The following SDCCAG8 variants were observed in gnomAD, a reference collection of about 807,000 sequenced individuals.
The protein encoded by SDCCAG8 is SHH signaling and ciliogenesis regulator SDCCAG8.
Under a neutral mutation model 101.8 loss-of-function variants are expected in SDCCAG8, and 74 were observed. That is an observed-to-expected ratio of 0.73 (90% CI 0.60 to 0.88). The LOEUF (loss-of-function observed/expected upper bound fraction) is 0.88. SDCCAG8 is among the 40% of genes least tolerant of loss of function. The pLI, the probability that SDCCAG8 is intolerant of heterozygous loss-of-function variation, is 0.00. For synonymous variants in SDCCAG8, 281 were observed against 292.9 expected, an observed-to-expected ratio of 0.96 and a Z score of 0.41; for missense variants, 787 against 822.6, an observed-to-expected ratio of 0.96 and a Z score of 0.53.
Position 243,304,751 on chromosome 1 carries a change from T to G in SDCCAG8, c.714T>G (p.Ile238Met). Residue 238 changes from isoleucine (I) to methionine (M), a missense_variant, in exon 7 of 18, where the codon ATT becomes ATG. Physicochemically the swap from Ile to Met is conservative, Grantham distance 10 (BLOSUM62 1). Coordinates refer to ENST00000366541, the MANE Select transcript of SDCCAG8 (RefSeq NM_006642.5). The stretch of plus-strand genomic sequence containing the variant: ...TTACTTATGAGGAAAAGTGTGAAAT[T>G]GAGGAATCCCAATTGAAGTTTTTGA... The part of the protein sequence containing the change: ...LKLTYEEKCE[I>M]EESQLKFLRN... The G allele has an allele frequency of 1.9e-6, 3 of 1,595,540 alleles. No homozygotes were observed. The highest frequency in any genetic ancestry group is 2.6e-6 in the Non-Finnish European group (3 of 1,163,322).
intron 12 of SDCCAG8, among the ~76,000 whole-genome samples, chr1:243,358,738 TG>T (rs1165173853): frequency 6.6e-6 from 1 of 152,046 alleles, no homozygotes; most frequent in African/African-American, 2.4e-5. Flanking sequence ...AAATAAAATG[TG>T]GGGTGTGTGT....
rs555755981 is a variant in SDCCAG8, at chr1:243,323,921, C to T, written c.1069-6619C>T. Among the ~76,000 whole-genome samples, 3 of 152,298 alleles carry T rather than the reference C, an allele frequency of 2.0e-5. No homozygotes were observed. In the South Asian group the frequency reaches 6.2e-4, roughly 32 times the overall value. ...GTCCACATTGTACCATTCTTGTCTA[C>T]TCTTAAGTCTCTTTTAACTTGTTTC... On this transcript the variant is annotated intron_variant, in intron 9 of 17. Coordinates refer to ENST00000366541, the MANE Select transcript of SDCCAG8 (RefSeq NM_006642.5).
chr1:243,311,590 A>G (rs1010162267), intron 8 of SDCCAG8, among the ~76,000 whole-genome samples: 2 of 152,148 alleles, frequency 1.3e-5, no homozygotes, highest in African/African-American at 4.8e-5. Context: ...TTGCAAATAA[A>G]AAGAGGCAGA....
chr1:243,391,562 C>T (rs527682503), intron 13 of SDCCAG8, among the ~76,000 whole-genome samples: 1 of 152,292 alleles, frequency 6.6e-6, no homozygotes, highest in Admixed American at 6.5e-5. Context: ...CATCTCCTGC[C>T]TTGACCAAGC....
Position 243,474,624 on chromosome 1 carries a change from G to A in SDCCAG8, c.1986-14390G>A, listed in dbSNP as rs552985335. Among the ~76,000 whole-genome samples the A allele has an allele frequency of 6.6e-6, 1 of 152,370 alleles. No individual in the cohort carries two copies. Among genetic ancestry groups the A allele is most frequent in the South Asian group, 2.1e-4 (1 of 4,830 alleles). ...CCTGGAGCGCTCCGCGGTGGCCCGAGAGCAGGTGCTGGCGTGCGGGAGGCG... is the reference window on the plus strand; with the variant it reads ...CCTGGAGCGCTCCGCGGTGGCCCGAAAGCAGGTGCTGGCGTGCGGGAGGCG... On this transcript the variant is annotated intron_variant, in intron 16 of 17. Coordinates refer to ENST00000366541, the MANE Select transcript of SDCCAG8 (RefSeq NM_006642.5). This position sits in a 1 kb window ranked among gnomAD's most constrained non-coding sequence, Gnocchi z 4.7.
intron 13 of SDCCAG8, 73 bp from the exon 14 acceptor site, chr1:243,415,629 G>A: frequency 6.2e-7 from 1 of 1,600,868 alleles, no homozygotes; most frequent in Non-Finnish European, 8.6e-7. Context: ...GCTCTCTCTG[G>A]TCTATAGGGG....
intron 6 of SDCCAG8, among the ~76,000 whole-genome samples, chr1:243,297,252 G>A (rs2071021439): frequency 3.3e-5 from 5 of 152,166 alleles, no homozygotes; most frequent in Admixed American, 3.3e-4. Context: ...ATTCATCCAT[G>A]TTGTTACATT....
In SDCCAG8 at chr1:243,273,686, A is replaced by G. The variant is rs541353653; in HGVS notation, c.307-857A>G. Reference sequence around the variant, plus strand: ...ACTGGCTTGGCATCAAACGCTTCCTAAAGAATCTCTCCTTCACGGAGCTGC... The same window carrying G: ...ACTGGCTTGGCATCAAACGCTTCCTGAAGAATCTCTCCTTCACGGAGCTGC... On this transcript the variant is annotated intron_variant, in intron 3 of 17. Transcript: ENST00000366541. Among the ~76,000 whole-genome samples, 26 of 152,318 alleles carry G rather than the reference A, an allele frequency of 1.7e-4. 1 individual carries two copies. The South Asian group carries it at 4.4e-3, about 26-fold the overall frequency.
intron 16 of SDCCAG8, among the ~76,000 whole-genome samples, chr1:243,480,388 A>G (rs112806707): frequency 1.8e-4 from 4 of 22,326 alleles, no homozygotes; most frequent in Non-Finnish European, 2.3e-4. Flanking sequence ...GGATGGATGG[A>G]TGGATAGGTG....
chr1:243,259,128 T>C (rs769693598), intron 1 of SDCCAG8, among the ~76,000 whole-genome samples: 27 of 151,894 alleles, frequency 1.8e-4, no homozygotes, highest in Non-Finnish European at 2.9e-4. Context: ...GGGCCGGGCG[T>C]GGTGGCTCAC....
intron 1 of SDCCAG8, 145 bp from the exon 2 acceptor site, chr1:243,269,960 C>T (rs2067951212): frequency 5.3e-6 from 6 of 1,128,398 alleles, no homozygotes; most frequent in South Asian, 1.3e-5. Flanking sequence ...GCACATCCCT[C>T]AGCAAGCTAG....
At position 243,259,837 on chromosome 1, in the gene SDCCAG8, A is replaced by AAAAC. The variant is rs375651049; in HGVS notation, c.67+3609_67+3612dup. Among the ~76,000 whole-genome samples, 129 of 152,330 alleles carry AAAAC rather than the reference A, an allele frequency of 8.5e-4. 1 individual carries two copies. Among genetic ancestry groups the AAAAC allele is most frequent in the African/African-American group, 2.9e-3 (120 of 41,578 alleles). On this transcript the variant is annotated intron_variant, in intron 1 of 17. Coordinates refer to ENST00000366541, the MANE Select transcript of SDCCAG8 (RefSeq NM_006642.5). Reference sequence around the variant, plus strand: ...GTAACAAGAGTGAAATCCTATCTCCAAAACAAACAAACAAAAAAAGATATT... The same window carrying AAAAC: ...GTAACAAGAGTGAAATCCTATCTCCAAAACAAACAAACAAACAAAAAAAGATATT...
Position 243,286,340 on chromosome 1 carries a change from G to A in SDCCAG8, c.489G>A (p.Gln163=), listed in dbSNP as rs1447062738. 1 of 1,613,918 alleles carries A rather than the reference G, an allele frequency of 6.2e-7. No individual in the cohort carries two copies. The highest frequency in any genetic ancestry group is 1.1e-5 in the South Asian group (1 of 91,082). The change falls in exon 5 of 18, where the codon CAG becomes CAA. Residue 163 remains glutamine, a synonymous_variant. Coordinates refer to ENST00000366541, the MANE Select transcript of SDCCAG8 (RefSeq NM_006642.5). ...TTGAAAACGAAGGGCTCCAGCAACA[G>A]CTAAAATCTCAAAGACAAGAGGAGA... The part of the protein sequence containing the change: ...VVLENEGLQQ[Q]LKSQRQEETL...
chr1:243,348,037 CTTTTTTTTTT>C (rs1181379015), intron 12 of SDCCAG8, among the ~76,000 whole-genome samples: 2 of 103,382 alleles, frequency 1.9e-5, no homozygotes, highest in African/African-American at 3.8e-5. Context: ...TTTTTTTTTT[CTTTTTTTTTT>C]TTTTTTAGGA....
chr1:243,464,143 T>A (rs1342435697), intron 16 of SDCCAG8, among the ~76,000 whole-genome samples: 1 of 152,154 alleles, frequency 6.6e-6, no homozygotes, highest in African/African-American at 2.4e-5. Context: ...CTAAAAGTGA[T>A]TTTTGTAAAT....
chr1:243,287,376 A>G (rs901459658), intron 5 of SDCCAG8, among the ~76,000 whole-genome samples: 2 of 149,188 alleles, frequency 1.3e-5, no homozygotes, highest in African/African-American at 4.9e-5. Context: ...GAAAGTCTTG[A>G]TGTTTCATTG....
intron 16 of SDCCAG8, among the ~76,000 whole-genome samples, chr1:243,486,176 G>A (rs1664763360): frequency 7.6e-6 from 1 of 131,880 alleles, no homozygotes; most frequent in South Asian, 2.4e-4. Context: ...ACTCCAGCCT[G>A]GGCAACAAGA....
Position 243,270,967 on chromosome 1 carries a change from T to G in SDCCAG8, c.221-11T>G, listed in dbSNP as rs1219303165. 1 of 1,601,518 alleles carries G rather than the reference T, an allele frequency of 6.2e-7. No homozygotes were observed. The highest frequency in any genetic ancestry group is 2.2e-5 in the East Asian group (1 of 44,752). ...AATAAGGTTAATAAACCCTCTGCTT[T>G]TGCTCTATAGTTAATCAGCTCAAAG... On this transcript the variant is annotated splice_polypyrimidine_tract_variant and intron_variant, in intron 2 of 17. Transcript: ENST00000366541.
At chr1:243,369,525 A>G (rs1430864035) in intron 12 of SDCCAG8, among the ~76,000 whole-genome samples, 1 of 152,140 alleles carries the variant, frequency 6.6e-6, no homozygotes, top group Admixed American at 6.6e-5. Flanking sequence ...GTAACTATGA[A>G]CCATCTGATT....
Sources: gnomAD v4.1 joint callset for allele counts (sites outside exome capture counted in the v4.1 genomes callset) on GRCh38, gnomAD v4.1.1 for gene constraint, Gnocchi (gnomAD v3.1) non-coding constraint, MANE v1.5 for transcripts, NCBI Gene and HGNC (gene_info 2026-07-23, HGNC 2026-07-21) for gene names.